Variants in CHMP1A observed in about 807,000 individuals in gnomAD.
CHMP1A encodes VPS46 homolog A.
In CHMP1A, 17 loss-of-function variants were observed where a neutral mutation model predicts 27.0. That is an observed-to-expected ratio of 0.63 (90% CI 0.43 to 0.95). The LOEUF is 0.95. Among genes scored for constraint, CHMP1A ranks in the 40% least tolerant of loss-of-function variants. CHMP1A has a pLI of 0.00. For missense variants in CHMP1A, 275 were observed against 264.0 expected (o/e 1.04, Z -0.29); for synonymous variants, 131 against 107.5 (o/e 1.22, Z -1.35).
rs2059782994 is a variant in CHMP1A at position 89,647,311 on chromosome 16, C to T, written c.273G>A (p.Gln91=). 3 of 1,610,410 alleles carry T rather than the reference C, an allele frequency of 1.9e-6. No individual in the cohort carries two copies. The highest frequency in any genetic ancestry group is 3.3e-5 in the Admixed American group (2 of 59,850). Residue 91 remains glutamine, a synonymous_variant, in exon 5 of 7, where the codon CAG becomes CAA. Transcript: ENST00000397901. ...GGGCCTTGTCCAGGGCTTTGGTCAC[C>T]TGGGCCATATTCTTGGTCACCTGAG... ...TMKGVTKNMA[Q]VTKALDKALS... is the part of the protein sequence containing the mutation.
In CHMP1A at chr16:89,647,135, C is replaced by T. The variant is rs535933766; in HGVS notation, c.381+68G>A. 1.5e-4 allele frequency: 240 copies of T among 1,574,102 alleles called. 1 individual carries two copies. The South Asian group carries it at 2.6e-3, about 17-fold the overall frequency. On this transcript the variant is annotated intron_variant, in intron 5 of 6. Coordinates refer to ENST00000397901, the MANE Select transcript of CHMP1A (RefSeq NM_002768.5). ...CAGCACGTCAGCCTGTGAGCCACCC[C>T]TCCCGATGAGCTGCCCACACACGCT...
intron 5 of CHMP1A, 79 bp downstream of exon 5, chr16:89,647,124 G>C (rs760886192): frequency 2.7e-5 from 42 of 1,560,514 alleles, no homozygotes; most frequent in Admixed American, 1.7e-4. Flanking sequence ...ACGTCAGCCT[G>C]TGAGCCACCC....
chr16:89,654,709 G>A (rs374742172), intron 1 of CHMP1A, among the ~76,000 whole-genome samples: 9 of 152,240 alleles, frequency 5.9e-5, no homozygotes, highest in African/African-American at 1.4e-4. Flanking sequence ...TTGGGAGGCC[G>A]AGGCCGGCGG....
Position 89,645,966 on chromosome 16 carries a change from A to C in CHMP1A, c.*100T>G, listed in dbSNP as rs117555004. The C allele has an allele frequency of 0.019, 31,352 of 1,611,186 alleles. 5,600 individuals are homozygous for C. The East Asian group carries it at 0.48, about 25-fold the overall frequency. ...GAGACGCAGAGTGGCTGCCGGCCGC[A>C]GCCCCGCGGGGTCAGCACAAAGGCA... is the stretch of plus-strand genomic sequence containing the variant. On this transcript the variant is annotated 3_prime_UTR_variant, in exon 7 of 7. Transcript: ENST00000397901.
chr16:89,657,253 G>C (rs1294582862), intron 1 of CHMP1A, among the ~76,000 whole-genome samples: 2 of 149,602 alleles, frequency 1.3e-5, no homozygotes, highest in Non-Finnish European at 3.0e-5. Context: ...GTCGAGGCCC[G>C]GGAAAAGGGG....
In CHMP1A at chr16:89,655,827, T is replaced by G. The variant is rs1430625748; in HGVS notation, c.7+1755A>C. On this transcript the variant is annotated intron_variant, in intron 1 of 6. Coordinates refer to ENST00000397901, the MANE Select transcript of CHMP1A (RefSeq NM_002768.5). The stretch of plus-strand genomic sequence containing the variant: ...TTTTAGAAGAGACGGGGTTTCACCA[T>G]GTTGGCCAGGCTGGTCTCAAACTCC... Among the ~76,000 whole-genome samples the G allele has an allele frequency of 2.6e-5, 4 of 152,190 alleles. No individual in the cohort carries two copies. The East Asian group carries it at 7.7e-4, about 29-fold the overall frequency.
chr16:89,657,039 G>T (rs2059882467), intron 1 of CHMP1A, among the ~76,000 whole-genome samples: 1 of 151,338 alleles, frequency 6.6e-6, no homozygotes, highest in South Asian at 2.1e-4. Flanking sequence ...CCCGGGGAAG[G>T]GGTCCCGAAT....
rs148528788 is a variant in CHMP1A, at chr16:89,646,167, C to G, written c.570-80G>C. On this transcript the variant is annotated intron_variant, in intron 6 of 6. Coordinates refer to ENST00000397901, the MANE Select transcript of CHMP1A (RefSeq NM_002768.5). ...CCACGTGCTCCCAGCACAGGTGACC[C>G]TTTTCCTCCTCAGTGTCCTGAGATA... The G allele has an allele frequency of 9.0e-5, 119 of 1,317,020 alleles. 1 individual carries two copies. The East Asian group carries it at 2.7e-3, about 30-fold the overall frequency. 81.6% of individuals were successfully genotyped at this position (1,317,020 alleles called of 1,614,324 possible). A position where few individuals can be genotyped will look rare whatever the true frequency, so the allele number is the denominator to read the frequency against.
chr16:89,649,477 T>C lies in CHMP1A; in HGVS notation c.126A>G (p.Val42=). 2 of 1,613,752 alleles carry C rather than the reference T, an allele frequency of 1.2e-6. No homozygotes were observed. Among genetic ancestry groups the C allele is most frequent in the South Asian group, 1.1e-5 (1 of 91,086 alleles). ...TCTCGGCATACACACGGGCACACTCTACATTTTTCTGCAGAAGGGCCTGAA... is the reference window on the plus strand; with the variant it reads ...TCTCGGCATACACACGGGCACACTCCACATTTTTCTGCAGAAGGGCCTGAA... The part of the protein sequence containing the change: ...KVKKALLQKN[V]ECARVYAENA... Residue 42 remains valine, a synonymous_variant, in exon 4 of 7, where the codon GTA becomes GTG. Coordinates refer to ENST00000397901, the MANE Select transcript of CHMP1A (RefSeq NM_002768.5).
chr16:89,653,045 G>A (rs530713830), intron 2 of CHMP1A, among the ~76,000 whole-genome samples: 20 of 128,914 alleles, frequency 1.6e-4, no homozygotes, highest in East Asian at 6.7e-4. Context: ...TTTTTGAGAC[G>A]GAGTCTCTGT....
At chr16:89,657,522 A>C (rs1409160089) in intron 1 of CHMP1A, 60 bp downstream of exon 1, 41 of 1,598,662 alleles carry the variant, frequency 2.6e-5, no homozygotes, top group Non-Finnish European at 3.5e-5. Context: ...AGCCCACGCC[A>C]GTGGGAGAAG....
At chr16:89,651,026 C>T (rs1360364659) in intron 3 of CHMP1A, among the ~76,000 whole-genome samples, 1 of 152,150 alleles carries the variant, frequency 6.6e-6, no homozygotes, top group Non-Finnish European at 1.5e-5. Flanking sequence ...CAGCACCTCC[C>T]TTCCTGAGTG....
intron 2 of CHMP1A, among the ~76,000 whole-genome samples, chr16:89,653,306 G>A (rs2059839339): frequency 6.9e-6 from 1 of 144,656 alleles, no homozygotes; most frequent in East Asian, 2.3e-4. Context: ...ACCGCGCCTG[G>A]CCCCAAGTTG....
intron 2 of CHMP1A, among the ~76,000 whole-genome samples, chr16:89,652,660 C>T (rs1014219007): frequency 3.9e-5 from 6 of 152,394 alleles, no homozygotes; most frequent in African/African-American, 1.4e-4. Flanking sequence ...GCCACCACAG[C>T]ACCACAGGGT....
intron 3 of CHMP1A, among the ~76,000 whole-genome samples, chr16:89,650,402 G>A (rs1365221825): frequency 6.6e-6 from 1 of 152,146 alleles, no homozygotes; most frequent in Non-Finnish European, 1.5e-5. Context: ...TCCTGGAGAG[G>A]CACCCCTGTA....
intron 3 of CHMP1A, 116 bp downstream of exon 3, chr16:89,651,453 A>C (rs2059823149): frequency 4.3e-6 from 3 of 705,254 alleles, no homozygotes. Context: ...ATGATGTAGA[A>C]AGTGCCCTGC....
At chr16:89,652,256 G>A (rs2059830571) in intron 2 of CHMP1A, among the ~76,000 whole-genome samples, 1 of 151,394 alleles carries the variant, frequency 6.6e-6, no homozygotes, top group African/African-American at 2.4e-5. Context: ...CTGGTACCAG[G>A]TAGCCCTGGC....
In CHMP1A at chr16:89,649,343, G is replaced by A; in HGVS notation, c.252+8C>T. ...GCCACCCATCCAGCACCAGGGCCCAGCACTCACCCCCTTCATAGTCACAGC... is the reference window on the plus strand; with the variant it reads ...GCCACCCATCCAGCACCAGGGCCCAACACTCACCCCCTTCATAGTCACAGC... On this transcript the variant is annotated splice_region_variant and intron_variant, in intron 4 of 6. Coordinates refer to ENST00000397901, the MANE Select transcript of CHMP1A (RefSeq NM_002768.5). 6.2e-7 allele frequency: 1 copy of A among 1,610,266 alleles called. No homozygotes were observed. The highest frequency in any genetic ancestry group is 8.5e-7 in the Non-Finnish European group (1 of 1,177,084).
chr16:89,655,769 G>A (rs955375617), intron 1 of CHMP1A, among the ~76,000 whole-genome samples: 2 of 152,250 alleles, frequency 1.3e-5, no homozygotes, highest in Middle Eastern at 3.4e-3. Context: ...AGAATTACAC[G>A]TGCACGCCAC....
Sources: gnomAD v4.1 joint callset for allele counts (sites outside exome capture counted in the v4.1 genomes callset) on GRCh38, gnomAD v4.1.1 for gene constraint, MANE v1.5 for transcripts, NCBI Gene and HGNC (gene_info 2026-07-23, HGNC 2026-07-21) for gene names.